Variants in ZBTB44 observed in about 807,000 individuals in gnomAD.
The protein encoded by ZBTB44 is zinc finger and BTB domain-containing protein 44.
In ZBTB44, 15 loss-of-function variants were observed where a neutral mutation model predicts 54.0. The observed-to-expected ratio is 0.28, with a 90% CI of 0.19 to 0.43. ZBTB44 has a LOEUF of 0.43. ZBTB44 is among the 20% of genes least tolerant of loss of function. The pLI is 1.00. For missense variants in ZBTB44, 487 were observed against 707.1 expected (o/e 0.69, Z 3.53); for synonymous variants, 230 against 250.1 (o/e 0.92, Z 0.76).
intron 3 of ZBTB44, chr11:130,239,548 T>C (rs1954261519): frequency 1.1e-5 from 3 of 270,000 alleles, no homozygotes; most frequent in Non-Finnish European, 2.2e-5. Context: ...TAGGCTGGAA[T>C]TGGCCTGTGG....
chr11:130,252,377 A>G (rs929639703), intron 2 of ZBTB44, among the ~76,000 whole-genome samples: 4 of 152,160 alleles, frequency 2.6e-5, no homozygotes, highest in Non-Finnish European at 5.9e-5. Context: ...CGAGACAGAA[A>G]ATTAACAAAG....
chr11:130,284,241 T>C (rs1288195351), intron 1 of ZBTB44, among the ~76,000 whole-genome samples: 1 of 152,248 alleles, frequency 6.6e-6, no homozygotes, highest in East Asian at 1.9e-4. Context: ...GCAAATTTTT[T>C]CATTGTATCA....
rs1030063383 is a variant in ZBTB44 at position 130,261,351 on chromosome 11, G to A, written c.523C>T (p.Pro175Ser). ...SECSVVERTI[P>S]VCRESRRKRK... Reference sequence around the variant, plus strand: ...TTTCTCCGGGATTCTCGGCAGACAGGAATGGTTCTTTCTACCACACTGCAC... The same window carrying A: ...TTTCTCCGGGATTCTCGGCAGACAGAAATGGTTCTTTCTACCACACTGCAC... The change falls in exon 2 of 8, where the codon CCT becomes TCT. Residue 175 changes from proline to serine, a missense_variant. By Grantham distance (74) the Pro-to-Ser change is moderately conservative. This residue lies in a region of ZBTB44 where 277 missense variants were observed against 306.5 expected (regional missense o/e 0.90). Coordinates refer to ENST00000357899, the MANE Select transcript of ZBTB44 (RefSeq NM_001301098.2). The surrounding 1 kb of genome is among the most constrained non-coding windows in gnomAD (Gnocchi z 4.8). 1.2e-6 allele frequency: 2 copies of A among 1,613,960 alleles called. No individual in the cohort carries two copies. Among genetic ancestry groups the A allele is most frequent in the Non-Finnish European group, 1.7e-6 (2 of 1,179,888 alleles).
At chr11:130,284,868 CA>C (rs561169828) in intron 1 of ZBTB44, among the ~76,000 whole-genome samples, 128 of 135,354 alleles carry the variant, frequency 9.5e-4, no homozygotes, top group Admixed American at 9.6e-4. Flanking sequence ...ACTACGTCTC[CA>C]AAAAAAAAAA....
chr11:130,280,153 TGTA>T (rs902668853), intron 1 of ZBTB44, among the ~76,000 whole-genome samples: 1 of 152,152 alleles, frequency 6.6e-6, no homozygotes, highest in Admixed American at 6.5e-5. Context: ...AGGGGATGGG[TGTA>T]AGAAGGGAGC....
chr11:130,302,862 C>A (rs1040394273), intron 1 of ZBTB44, among the ~76,000 whole-genome samples: 1 of 152,110 alleles, frequency 6.6e-6, no homozygotes, highest in Non-Finnish European at 1.5e-5. Flanking sequence ...GTAATCCCAG[C>A]TACTCGGGAG....
chr11:130,234,006 A>G (rs1406481672), intron 6 of ZBTB44, 150 bp downstream of exon 6: 14 of 1,511,660 alleles, frequency 9.3e-6, no homozygotes, highest in Non-Finnish European at 1.2e-5. Flanking sequence ...CAATAGTTAT[A>G]GAAGACAGCT....
intron 1 of ZBTB44, among the ~76,000 whole-genome samples, chr11:130,303,291 C>T (rs1056465424): frequency 1.3e-5 from 2 of 152,220 alleles, no homozygotes; most frequent in Middle Eastern, 3.4e-3. Context: ...ATGCTGAGTG[C>T]GTAAAAAACT....
intron 6 of ZBTB44, chr11:130,233,614 A>G: frequency 7.8e-7 from 1 of 1,286,314 alleles, no homozygotes; most frequent in Non-Finnish European, 9.8e-7. Context: ...CAAGCTGTTT[A>G]GTAATTAGTT....
At chr11:130,248,929 C>T (rs190737894) in intron 2 of ZBTB44, among the ~76,000 whole-genome samples, 8 of 151,994 alleles carry the variant, frequency 5.3e-5, no homozygotes, top group Non-Finnish European at 8.8e-5. Context: ...CATGGTGAAA[C>T]TCCATCTCTA....
At chr11:130,270,934 T>G (rs75114537) in intron 1 of ZBTB44, among the ~76,000 whole-genome samples, 9 of 152,312 alleles carry the variant, frequency 5.9e-5, no homozygotes, top group African/African-American at 2.2e-4. Flanking sequence ...CACGATAAAT[T>G]TCATTCTGCT....
chr11:130,265,220 C>A (rs148736249), intron 1 of ZBTB44, among the ~76,000 whole-genome samples: 1 of 151,952 alleles, frequency 6.6e-6, no homozygotes, highest in Non-Finnish European at 1.5e-5. Flanking sequence ...AAGAGCTGCA[C>A]GTTTCTCACT....
At chr11:130,290,043 TG>T (rs2134351473) in intron 1 of ZBTB44, among the ~76,000 whole-genome samples, 1 of 152,338 alleles carries the variant, frequency 6.6e-6, no homozygotes, top group African/African-American at 2.4e-5. Context: ...GCTTTGCAGA[TG>T]TGATGAAATA....
At chr11:130,262,181 C>G (rs942979947) in intron 1 of ZBTB44, among the ~76,000 whole-genome samples, 1 of 152,006 alleles carries the variant, frequency 6.6e-6, no homozygotes, top group South Asian at 2.1e-4. Flanking sequence ...GCTCTGTTGC[C>G]CAGGCTGGAG....
rs1953714014 is a variant in ZBTB44 at position 130,226,963 on chromosome 11, C to G, written c.*4801G>C. On this transcript the variant is annotated 3_prime_UTR_variant, in exon 8 of 8. Coordinates refer to ENST00000357899, the MANE Select transcript of ZBTB44 (RefSeq NM_001301098.2). ...CTAATTTCAGTACAATATAACTATA[C>G]AGAATATATACAATACACATGTTCA... 6.6e-6 allele frequency: 1 copy of G among 151,988 alleles called. No individual in the cohort carries two copies. 9.4% of individuals were successfully genotyped at this position (151,988 alleles called of 1,614,324 possible).
intron 1 of ZBTB44, among the ~76,000 whole-genome samples, chr11:130,304,821 G>T (rs1363621322): frequency 6.6e-6 from 1 of 152,126 alleles, no homozygotes; most frequent in East Asian, 1.9e-4. Context: ...AACTGTTGCT[G>T]TTTGCTGATG....
intron 1 of ZBTB44, among the ~76,000 whole-genome samples, chr11:130,272,854 G>C (rs776132271): frequency 6.6e-6 from 1 of 152,030 alleles, no homozygotes; most frequent in African/African-American, 2.4e-5. Flanking sequence ...TGGCATCCTT[G>C]TTGGAAATCA....
Position 130,252,225 on chromosome 11 carries a change from A to C in ZBTB44, c.1018+8631T>G, listed in dbSNP as rs2136364813. The stretch of plus-strand genomic sequence containing the variant: ...CGGATCAATGCAACAAGAAGAGCTA[A>C]CTATCCTAAATACATATATACGCAA... On this transcript the variant is annotated intron_variant, in intron 2 of 7. Coordinates refer to ENST00000357899, the MANE Select transcript of ZBTB44 (RefSeq NM_001301098.2). Among the ~76,000 whole-genome samples the C allele has an allele frequency of 1.3e-5, 2 of 152,364 alleles. 1 individual carries two copies. Among genetic ancestry groups the C allele is most frequent in the South Asian group, 4.1e-4 (2 of 4,828 alleles).
In ZBTB44 at chr11:130,227,915, T is replaced by A. The variant is rs1270838002; in HGVS notation, c.*3849A>T. On this transcript the variant is annotated 3_prime_UTR_variant, in exon 8 of 8. Coordinates refer to ENST00000357899, the MANE Select transcript of ZBTB44 (RefSeq NM_001301098.2). ...CACTTCTAAATCCTGGAGATTAAAT[T>A]TACTCTTAAAAATGGAAATACAGGA... 1 of 152,120 alleles carries A rather than the reference T, an allele frequency of 6.6e-6. No homozygotes were observed. Among genetic ancestry groups the A allele is most frequent in the Non-Finnish European group, 1.5e-5 (1 of 68,024 alleles). The allele number at this position is 152,120 out of a possible 1,614,324, so 9.4% of individuals were successfully genotyped here.
Sources: gnomAD v4.1 joint callset for allele counts (sites outside exome capture counted in the v4.1 genomes callset) on GRCh38, gnomAD v4.1.1 for gene constraint, gnomAD v4.1.1 regional missense constraint, Gnocchi (gnomAD v3.1) non-coding constraint, MANE v1.5 for transcripts, NCBI Gene and HGNC (gene_info 2026-07-23, HGNC 2026-07-21) for gene names.